The following KCNMA1 variants were observed in gnomAD, a reference collection of about 807,000 sequenced individuals.
KCNMA1 encodes Calcium-activated potassium channel subunit alpha-1.
Under a neutral mutation model 140.0 loss-of-function variants are expected in KCNMA1, and 29 were observed. That is an observed-to-expected ratio of 0.21 (90% CI 0.15 to 0.28). KCNMA1 has a LOEUF of 0.28. KCNMA1 is among the 10% of genes least tolerant of loss of function. The pLI is 1.00. For missense variants in KCNMA1, 880 were observed against 1,602.2 expected, an observed-to-expected ratio of 0.55 and a Z score of 7.70; for synonymous variants, 612 against 611.9, an observed-to-expected ratio of 1.00 and a Z score of 0.00.
chr10:77,302,056 A>C (rs2076662907), intron 2 of KCNMA1, among the ~76,000 whole-genome samples: 1 of 152,044 alleles, frequency 6.6e-6, no homozygotes, highest in Non-Finnish European at 1.5e-5. Context: ...TGGGCCCTTT[A>C]CACATGCCAT....
At chr10:77,278,025 G>A (rs1473204849) in intron 2 of KCNMA1, among the ~76,000 whole-genome samples, 1 of 152,184 alleles carries the variant, frequency 6.6e-6, no homozygotes, top group Non-Finnish European at 1.5e-5. Context: ...AGCATGCTGA[G>A]TTTCTCAAGT....
intron 1 of KCNMA1, among the ~76,000 whole-genome samples, chr10:77,457,858 T>C (rs1191475017): frequency 6.6e-6 from 1 of 152,126 alleles, no homozygotes; most frequent in African/African-American, 2.4e-5. Flanking sequence ...CCATCCTGTC[T>C]GGTTCCATTC....
At chr10:77,513,848 C>T (rs570941509) in intron 1 of KCNMA1, among the ~76,000 whole-genome samples, 5 of 152,330 alleles carry the variant, frequency 3.3e-5, no homozygotes, top group Non-Finnish European at 4.4e-5. Flanking sequence ...TCCTTGGTGC[C>T]GGCCTGGGAG....
intron 10 of KCNMA1, among the ~76,000 whole-genome samples, chr10:77,090,188 C>T (rs1301121459): frequency 6.6e-6 from 1 of 152,162 alleles, no homozygotes; most frequent in Non-Finnish European, 1.5e-5. Context: ...CAGAGGCAGA[C>T]TCTGCTCTCA....
At chr10:77,045,028 T>A (rs2094957943) in intron 14 of KCNMA1, among the ~76,000 whole-genome samples, 1 of 152,204 alleles carries the variant, frequency 6.6e-6, no homozygotes, top group Non-Finnish European at 1.5e-5. Context: ...CAAGGAGTAA[T>A]AATCCATTTT....
chr10:77,099,314 C>T (rs1303407920), intron 9 of KCNMA1, among the ~76,000 whole-genome samples: 3 of 152,144 alleles, frequency 2.0e-5, no homozygotes, highest in Non-Finnish European at 2.9e-5. Flanking sequence ...ATAATGACAA[C>T]CAACTTGACA....
At chr10:77,489,406 G>T (rs953113635) in intron 1 of KCNMA1, among the ~76,000 whole-genome samples, 2 of 151,902 alleles carry the variant, frequency 1.3e-5, no homozygotes, top group African/African-American at 4.8e-5. Context: ...CACGATCTTG[G>T]CTGACTGCAA....
At chr10:77,354,954 T>C (rs1006394974) in intron 2 of KCNMA1, among the ~76,000 whole-genome samples, 2 of 152,228 alleles carry the variant, frequency 1.3e-5, no homozygotes, top group African/African-American at 4.8e-5. Flanking sequence ...GCATTTGATA[T>C]GGTTTGGCTC....
intron 25 of KCNMA1, among the ~76,000 whole-genome samples, chr10:76,893,665 G>A (rs1433238805): frequency 6.6e-6 from 1 of 152,106 alleles, no homozygotes; most frequent in Non-Finnish European, 1.5e-5. Context: ...ACTTGAACCC[G>A]GGCGGCAGAT....
intron 1 of KCNMA1, among the ~76,000 whole-genome samples, chr10:77,600,511 T>C (rs2082270922): frequency 6.6e-6 from 1 of 152,150 alleles, no homozygotes; most frequent in Non-Finnish European, 1.5e-5. Context: ...AACTTTGGGA[T>C]GCCAAGGCAG....
chr10:77,495,762 G>T (rs562876399), intron 1 of KCNMA1, among the ~76,000 whole-genome samples: 282 of 152,292 alleles, frequency 1.9e-3, no homozygotes, highest in African/African-American at 5.9e-3. Context: ...CCAGCCCAAG[G>T]GGTGGGCAAA....
At chr10:77,031,745 TG>T in intron 15 of KCNMA1, among the ~76,000 whole-genome samples, 1 of 152,328 alleles carries the variant, frequency 6.6e-6, no homozygotes, top group South Asian at 2.1e-4. Flanking sequence ...GGGGAGCTGG[TG>T]TGGTAATCAC....
rs2093910225 is a variant in KCNMA1, at chr10:77,637,674, G to A, written c.-32C>T. The A allele has an allele frequency of 2.1e-6, 3 of 1,457,076 alleles. No homozygotes were observed. The highest frequency in any genetic ancestry group is 2.7e-6 in the Non-Finnish European group (3 of 1,116,530). The allele number at this position is 1,457,076 out of a possible 1,614,324, so 90.3% of individuals were successfully genotyped here. On this transcript the variant is annotated 5_prime_UTR_variant, in exon 1 of 28. An upstream open reading frame in the 5' UTR gains an earlier in-frame stop. Transcript: ENST00000286628. ...CAACGGGCAGCCGGCGCAGGGGCTCGGGGGAGCTCCTCCCGCCGCCAGCGC... is the reference window on the plus strand; with the variant it reads ...CAACGGGCAGCCGGCGCAGGGGCTCAGGGGAGCTCCTCCCGCCGCCAGCGC...
intron 1 of KCNMA1, chr10:77,587,889 C>CCCAGAT: frequency 1.0e-6 from 1 of 984,286 alleles, no homozygotes; most frequent in South Asian, 4.7e-5. Flanking sequence ...GAAAATAAGG[C>CCCAGAT]CCAGATCTGC....
intron 2 of KCNMA1, among the ~76,000 whole-genome samples, chr10:77,399,400 C>G (rs3900539): frequency 0.23 from 34,484 of 152,128 alleles, 4,299 homozygotes; most frequent in Non-Finnish European, 0.29. Context: ...TTAAAAAAAG[C>G]AAACATATAT....
chr10:77,337,394 G>C (rs1218235293), intron 2 of KCNMA1, among the ~76,000 whole-genome samples: 3 of 152,320 alleles, frequency 2.0e-5, no homozygotes, highest in Non-Finnish European at 2.9e-5. Flanking sequence ...GCTAAGGCAG[G>C]CGGGTCATTT....
At chr10:77,109,148 T>C (rs995378211) in intron 8 of KCNMA1, among the ~76,000 whole-genome samples, 6 of 152,062 alleles carry the variant, frequency 3.9e-5, no homozygotes, top group African/African-American at 1.4e-4. Flanking sequence ...AAATCTGCCA[T>C]GTTTTGTCCA....
At chr10:77,463,989 C>T (rs1052351314) in intron 1 of KCNMA1, among the ~76,000 whole-genome samples, 1 of 152,274 alleles carries the variant, frequency 6.6e-6, no homozygotes, top group East Asian at 1.9e-4. Flanking sequence ...CACCAGGGCT[C>T]TCATCAGAAA....
Position 77,161,082 on chromosome 10 carries a change from A to G in KCNMA1, c.808+22339T>C, listed in dbSNP as rs533504825. 2.6e-5 allele frequency among the ~76,000 whole-genome samples: 4 copies of G among 152,340 alleles called. No individual in the cohort carries two copies. The South Asian group carries it at 8.3e-4, about 32-fold the overall frequency. On this transcript the variant is annotated intron_variant, in intron 5 of 27. Coordinates refer to ENST00000286628, the MANE Select transcript of KCNMA1 (RefSeq NM_001161352.2). The stretch of plus-strand genomic sequence containing the variant: ...TGGTTTGAACTGCCTGTTGATAGAA[A>G]CATTGTCTGTCGGCTCCATGGTCCT...
Sources: gnomAD v4.1 joint callset for allele counts (sites outside exome capture counted in the v4.1 genomes callset) on GRCh38, gnomAD v4.1.1 for gene constraint, MANE v1.5 for transcripts, NCBI Gene and HGNC (gene_info 2026-07-23, HGNC 2026-07-21) for gene names.